The following HHAT variants were observed in gnomAD, a reference collection of about 807,000 sequenced individuals.
HHAT encodes hedgehog acyltransferase.
A neutral mutation model predicts 70.8 loss-of-function variants in HHAT; 47 were observed. The observed-to-expected ratio is 0.66, with a 90% CI of 0.53 to 0.85. HHAT has a LOEUF of 0.85. Ranked by LOEUF, HHAT falls within the 40% of genes least tolerant of loss-of-function variation. The pLI, the probability that HHAT is intolerant of heterozygous loss-of-function variation, is 0.00. For missense variants in HHAT, 609 were observed against 604.8 expected (o/e 1.01, Z -0.07); for synonymous variants, 228 against 247.6 (o/e 0.92, Z 0.74).
At chr1:210,538,835 G>A (rs1202453239) in intron 9 of HHAT, among the ~76,000 whole-genome samples, 1 of 152,210 alleles carries the variant, frequency 6.6e-6, no homozygotes, top group Admixed American at 6.5e-5. Flanking sequence ...CCAGCACTTT[G>A]GGAGGCCGAG....
chr1:210,349,884 C>T (rs540583689), intron 2 of HHAT, among the ~76,000 whole-genome samples: 10 of 152,268 alleles, frequency 6.6e-5, no homozygotes, highest in Non-Finnish European at 1.5e-4. Flanking sequence ...CTCCTGACCT[C>T]AGGTGATCCT....
In HHAT at chr1:210,526,373, T is replaced by G. The variant is rs918109890; in HGVS notation, c.1043+13185T>G. ...ACTAACCAGAGTGGGTTCTGTTTTT[T>G]TTTTTGCCACTGAGATAACTAATAT... On this transcript the variant is annotated intron_variant, in intron 9 of 11. Coordinates refer to ENST00000261458, the MANE Select transcript of HHAT (RefSeq NM_018194.6). 3.0e-4 allele frequency among the ~76,000 whole-genome samples: 46 copies of G among 151,430 alleles called. 3 individuals are homozygous for G. In the East Asian group the frequency reaches 8.4e-3, roughly 28 times the overall value.
intron 9 of HHAT, among the ~76,000 whole-genome samples, chr1:210,561,088 G>A (rs116294425): frequency 1.3e-3 from 196 of 152,178 alleles, no homozygotes; most frequent in Middle Eastern, 6.8e-3. Context: ...CCTTTGCCCC[G>A]TTCCAGTTTC....
At chr1:210,390,654 A>T (rs2091401995) in intron 4 of HHAT, among the ~76,000 whole-genome samples, 1 of 152,068 alleles carries the variant, frequency 6.6e-6, no homozygotes. Context: ...CCTCACCCCC[A>T]CAACCTTTCC....
At chr1:210,577,710 C>A (rs561182497) in intron 9 of HHAT, among the ~76,000 whole-genome samples, 47 of 128,614 alleles carry the variant, frequency 3.7e-4, no homozygotes, top group Non-Finnish European at 6.4e-4. Context: ...TACAGTAGTG[C>A]AATCTCAGCT....
intron 11 of HHAT, among the ~76,000 whole-genome samples, chr1:210,634,395 C>G (rs1013533405): frequency 2.6e-5 from 4 of 152,206 alleles, no homozygotes; most frequent in Non-Finnish European, 1.5e-5. Flanking sequence ...TGGTTCCAAG[C>G]TGGGTCGCCT....
intron 9 of HHAT, among the ~76,000 whole-genome samples, chr1:210,569,296 C>G (rs1655569959): frequency 7.0e-6 from 1 of 142,184 alleles, no homozygotes; most frequent in South Asian, 2.3e-4. Flanking sequence ...ATCGCTTGAA[C>G]CTGGGAGGCG....
At chr1:210,547,811 A>G (rs1351013263) in intron 9 of HHAT, among the ~76,000 whole-genome samples, 2 of 152,126 alleles carry the variant, frequency 1.3e-5, no homozygotes, top group Non-Finnish European at 1.5e-5. Flanking sequence ...CGAACAACCT[A>G]TTTCTGTCTG....
At chr1:210,395,080 AGATT>A (rs2091705972) in intron 4 of HHAT, among the ~76,000 whole-genome samples, 2 of 152,304 alleles carry the variant, frequency 1.3e-5, no homozygotes, top group South Asian at 4.1e-4. Flanking sequence ...GTCATACATA[AGATT>A]GATTGATTCC....
Position 210,348,950 on chromosome 1 carries a change from A to ATCG in HHAT, c.-25_-23dup, listed in dbSNP as rs1558326279. The ATCG allele has an allele frequency of 6.2e-7, 1 of 1,612,126 alleles. No homozygotes were observed. Among genetic ancestry groups the ATCG allele is most frequent in the South Asian group, 1.1e-5 (1 of 90,584 alleles). On this transcript the variant is annotated 5_prime_UTR_variant, in exon 2 of 12. Transcript: ENST00000261458. ...TTTCTCAGAAACTCTCAGCGTAGGC[A>ATCG]TCGGGAACCTTCGTGCCAAGGAGCC...
chr1:210,500,051 G>C (rs1031760530), intron 8 of HHAT, among the ~76,000 whole-genome samples: 8 of 152,200 alleles, frequency 5.3e-5, no homozygotes, highest in African/African-American at 9.7e-5. Context: ...TATAAAAGGA[G>C]GGAAAGCCTG....
intron 10 of HHAT, among the ~76,000 whole-genome samples, chr1:210,602,497 CA>C (rs1471268454): frequency 6.6e-6 from 1 of 152,092 alleles, no homozygotes; most frequent in Non-Finnish European, 1.5e-5. Context: ...TACCTGAAGT[CA>C]GGCATGGGCA....
At chr1:210,555,796 C>T (rs969922684) in intron 9 of HHAT, among the ~76,000 whole-genome samples, 1 of 152,156 alleles carries the variant, frequency 6.6e-6, no homozygotes, top group Non-Finnish European at 1.5e-5. Flanking sequence ...AAATTCTGCA[C>T]TGGTGGCCTC....
intron 1 of HHAT, among the ~76,000 whole-genome samples, chr1:210,331,013 C>A (rs1369918640): frequency 6.6e-6 from 1 of 152,016 alleles, no homozygotes; most frequent in African/African-American, 2.4e-5. Context: ...AGGATTTCAC[C>A]ATGTCAACCA....
chr1:210,446,048 C>G (rs1225045903), intron 7 of HHAT, among the ~76,000 whole-genome samples: 1 of 152,198 alleles, frequency 6.6e-6, no homozygotes, highest in East Asian at 1.9e-4. Context: ...GAATATGGAG[C>G]AAGCTGCAGT....
chr1:210,530,151 A>T (rs1412246392), intron 9 of HHAT, among the ~76,000 whole-genome samples: 3 of 152,186 alleles, frequency 2.0e-5, no homozygotes, highest in African/African-American at 7.2e-5. Context: ...ATTGCACACA[A>T]AAATCATAGG....
At chr1:210,383,739 T>C (rs1403368199) in intron 3 of HHAT, among the ~76,000 whole-genome samples, 1 of 152,178 alleles carries the variant, frequency 6.6e-6, no homozygotes, top group Non-Finnish European at 1.5e-5. Flanking sequence ...CTCTGTACAT[T>C]GTGCTTAATT....
rs1347246592 is a variant in HHAT, at chr1:210,442,845, G to T, written c.857-21660G>T. On this transcript the variant is annotated intron_variant, in intron 7 of 11. Coordinates refer to ENST00000261458, the MANE Select transcript of HHAT (RefSeq NM_018194.6). ...TAGTTTCTTTTGCTGTGCAGAAGCTGTTTAGTTTAATTAGATCCCATTTGT... is the reference window on the plus strand; with the variant it reads ...TAGTTTCTTTTGCTGTGCAGAAGCTTTTTAGTTTAATTAGATCCCATTTGT... 3.3e-5 allele frequency among the ~76,000 whole-genome samples: 5 copies of T among 152,168 alleles called. No individual in the cohort carries two copies. In the South Asian group the frequency reaches 1.0e-3, roughly 32 times the overall value.
At chr1:210,403,386 A>G (rs977626840) in intron 5 of HHAT, among the ~76,000 whole-genome samples, 2 of 152,250 alleles carry the variant, frequency 1.3e-5, no homozygotes, top group Admixed American at 6.5e-5. Context: ...TTTGGGGACA[A>G]TTAGCATCAG....
Sources: allele counts gnomAD v4.1 joint callset (sites outside exome capture counted in the v4.1 genomes callset), GRCh38; gene constraint gnomAD v4.1.1; transcripts MANE v1.5; gene names NCBI Gene and HGNC (gene_info 2026-07-23, HGNC 2026-07-21).